ZC3H12B: variants seen among roughly 807,000 people sequenced by gnomAD.
ZC3H12B encodes probable ribonuclease ZC3H12B.
Under a neutral mutation model 43.9 loss-of-function variants are expected in ZC3H12B, and 7 were observed. The ratio of observed to expected loss-of-function variants is 0.16; its 90% confidence interval spans 0.09 to 0.30. The LOEUF is 0.30. Ranked by LOEUF, ZC3H12B falls within the 10% of genes least tolerant of loss-of-function variation. The pLI is 1.00. For synonymous variants in ZC3H12B, 222 were observed against 241.7 expected, an observed-to-expected ratio of 0.92 and a Z score of 0.76; for missense variants, 475 against 670.2, an observed-to-expected ratio of 0.71 and a Z score of 3.22.
chrX:65,455,978 C>A (rs1306199435), intron 3 of ZC3H12B, among the ~76,000 whole-genome samples: 3 of 111,615 alleles, frequency 2.7e-5, no homozygotes, highest in Non-Finnish European at 5.6e-5. Flanking sequence ...CTGAAGGAAG[C>A]ATTAAACATG....
At chrX:65,211,552 GTTAA>G in the ZC3H12B span, among the ~76,000 whole-genome samples, 2 of 103,189 alleles carry the variant, frequency 1.9e-5, no homozygotes, top group African/African-American at 7.0e-5. Context: ...CTCCAGCAAG[GTTAA>G]TTAACTTGCT....
chrX:65,149,105 C>A, the ZC3H12B span, among the ~76,000 whole-genome samples: 2 of 111,658 alleles, frequency 1.8e-5, no homozygotes, highest in African/African-American at 6.5e-5. Flanking sequence ...GCTCTGATTT[C>A]CCACACTATC....
the ZC3H12B span, among the ~76,000 whole-genome samples, chrX:65,044,017 CTCAT>C: frequency 1.8e-5 from 2 of 111,700 alleles, no homozygotes; most frequent in South Asian, 7.4e-4. Context: ...AGACCCTACA[CTCAT>C]GAAGTTTGCA....
At chrX:65,214,040 G>T in the ZC3H12B span, among the ~76,000 whole-genome samples, 1 of 110,863 alleles carries the variant, frequency 9.0e-6, no homozygotes, top group East Asian at 2.8e-4. Context: ...ATAGCATTGT[G>T]TCTAAAAAAT....
At chrX:65,145,807 G>C in the ZC3H12B span, among the ~76,000 whole-genome samples, 1 of 111,684 alleles carries the variant, frequency 9.0e-6, no homozygotes, top group Non-Finnish European at 1.9e-5. Flanking sequence ...GCTGAAGAGA[G>C]GGTCCCAATG....
At chrX:65,181,542 G>A in the ZC3H12B span, among the ~76,000 whole-genome samples, 1 of 111,084 alleles carries the variant, frequency 9.0e-6, no homozygotes, top group South Asian at 3.7e-4. Flanking sequence ...TACAATAATA[G>A]TAAACAAATT....
At chrX:65,282,980 A>G in the ZC3H12B span, among the ~76,000 whole-genome samples, 1 of 111,930 alleles carries the variant, frequency 8.9e-6, no homozygotes, top group African/African-American at 3.3e-5. Flanking sequence ...TTATGAGGCC[A>G]GCATCATCCT....
the ZC3H12B span, among the ~76,000 whole-genome samples, chrX:65,170,295 C>A: frequency 2.7e-5 from 3 of 111,570 alleles, no homozygotes; most frequent in African/African-American, 9.8e-5. Context: ...ACTTATGAAG[C>A]TTAATTTGGC....
the ZC3H12B span, among the ~76,000 whole-genome samples, chrX:65,225,117 G>A: frequency 5.4e-5 from 6 of 111,730 alleles, no homozygotes; most frequent in African/African-American, 2.0e-4. Flanking sequence ...CTAACTGGGA[G>A]GCACCCCCCA....
intron 1 of ZC3H12B, among the ~76,000 whole-genome samples, chrX:65,492,918 A>G (rs1233969433): frequency 9.0e-6 from 1 of 111,062 alleles, no homozygotes; most frequent in African/African-American, 3.3e-5. Flanking sequence ...CCTGAGCAGC[A>G]TGACAAAACC....
chrX:65,430,796 T>A (rs1011648194), intron 3 of ZC3H12B, among the ~76,000 whole-genome samples: 1 of 111,027 alleles, frequency 9.0e-6, no homozygotes, highest in African/African-American at 3.3e-5. Flanking sequence ...CATCACTTCT[T>A]TTGGCTGAGG....
intron 2 of ZC3H12B, among the ~76,000 whole-genome samples, chrX:65,384,365 G>T (rs992467349): frequency 3.6e-5 from 4 of 110,923 alleles, no homozygotes; most frequent in African/African-American, 6.6e-5. Flanking sequence ...TCCGGGGACT[G>T]TTGTGGGGTG....
the ZC3H12B span, among the ~76,000 whole-genome samples, chrX:65,199,085 C>G: frequency 1.8e-5 from 2 of 108,506 alleles, no homozygotes; most frequent in African/African-American, 6.7e-5. Flanking sequence ...CCACGTTGGC[C>G]CCCCAAAGAT....
chrX:65,088,684 A>C, the ZC3H12B span, among the ~76,000 whole-genome samples: 6 of 111,857 alleles, frequency 5.4e-5, no homozygotes, highest in Non-Finnish European at 9.4e-5. Flanking sequence ...CTTGCTTTCT[A>C]TAATGACACA....
the ZC3H12B span, among the ~76,000 whole-genome samples, chrX:65,304,185 A>T: frequency 8.9e-6 from 1 of 112,197 alleles, no homozygotes; most frequent in Admixed American, 9.4e-5. Flanking sequence ...TAGATGAATA[A>T]ATCAAAGGAA....
At chrX:65,470,600 T>G (rs1253454652) in intron 3 of ZC3H12B, among the ~76,000 whole-genome samples, 1 of 110,684 alleles carries the variant, frequency 9.0e-6, no homozygotes, top group Admixed American at 9.6e-5. Flanking sequence ...CTTTCCCTTG[T>G]CCCCCTGATT....
At chrX:65,271,175 G>A in the ZC3H12B span, 1 of 112,305 alleles carries the variant, frequency 8.9e-6, no homozygotes, top group Admixed American at 9.4e-5. Context: ...ATAGAAGCCG[G>A]AGATGACCAC....
chrX:65,382,644 G>T (rs994166096), intron 2 of ZC3H12B, among the ~76,000 whole-genome samples: 92 of 111,553 alleles, frequency 8.2e-4, no homozygotes, highest in African/African-American at 2.8e-3. Context: ...ATTCAATTAG[G>T]AAAAGAGGAA....
chrX:65,093,063 C>T, the ZC3H12B span, among the ~76,000 whole-genome samples: 35 of 112,116 alleles, frequency 3.1e-4, no homozygotes, highest in South Asian at 0.013. Flanking sequence ...GAAGCTCTAG[C>T]TCCAGCTGTG....
Sources: allele counts gnomAD v4.1 joint callset (sites outside exome capture counted in the v4.1 genomes callset), GRCh38; gene constraint gnomAD v4.1.1; transcripts MANE v1.5; gene names NCBI Gene and HGNC (gene_info 2026-07-23, HGNC 2026-07-21).